The following SMOC2 variants were observed in gnomAD, a reference collection of about 807,000 sequenced individuals.
SMOC2 encodes SPARC related modular calcium binding 2.
In SMOC2, 39 loss-of-function variants were observed where a neutral mutation model predicts 61.4. The ratio of observed to expected loss-of-function variants is 0.64; its 90% CI spans 0.49 to 0.83. The LOEUF (loss-of-function observed/expected upper bound fraction) is 0.83. SMOC2 is among the 40% of genes least tolerant of loss of function. The probability of loss-of-function intolerance (pLI) is 0.00; values close to 1 mark genes in which losing one functional copy is unlikely to be tolerated. For synonymous variants in SMOC2, 247 were observed against 239.9 expected (o/e 1.03, Z -0.27); for missense variants, 556 against 592.9 (o/e 0.94, Z 0.65).
chr6:168,488,602 A>C (rs577569051), intron 1 of SMOC2, among the ~76,000 whole-genome samples: 117 of 152,372 alleles, frequency 7.7e-4, no homozygotes, highest in African/African-American at 2.7e-3. Context: ...CGCAGGAGGC[A>C]GAGATCAGGA....
chr6:168,636,899 TCCTGCCCGCATCCCTCCTCCCTCCTCCCC>T lies in SMOC2; in HGVS notation c.908-13778_908-13750del, dbSNP rs1369694683. ...TCCCGCCTCCCTCCTCCCACCTCCC[TCCTGCCCGCATCCCTCCTCCCTCCTCCCC>T]CCTCCCCACCTCCCTCTTCCCTCCT... On this transcript the variant is annotated intron_variant, in intron 9 of 12. Coordinates refer to ENST00000356284, the MANE Select transcript of SMOC2 (RefSeq NM_001166412.2). Among the ~76,000 whole-genome samples the T allele has an allele frequency of 2.4e-4, 6 of 25,058 alleles. No homozygotes were observed. In the East Asian group the frequency reaches 4.2e-3, roughly 17 times the overall value. The allele number at this position is 25,058 out of a possible 152,430, so 16.4% of individuals were successfully genotyped here.
In SMOC2 at chr6:168,514,820, C is replaced by T. The variant is rs1350295859; in HGVS notation, c.256+4734C>T. ...TTGAAAGGCCGCGAAGAAGCTTCCG[C>T]TTTAGCCGTAGCCTTTGAGGATGAG... On this transcript the variant is annotated intron_variant, in intron 2 of 12. Transcript: ENST00000356284. 2.0e-5 allele frequency among the ~76,000 whole-genome samples: 3 copies of T among 152,164 alleles called. No homozygotes were observed. The East Asian group carries it at 5.8e-4, about 29-fold the overall frequency.
intron 1 of SMOC2, among the ~76,000 whole-genome samples, chr6:168,457,270 T>C (rs1433535566): frequency 1.3e-5 from 2 of 152,248 alleles, no homozygotes; most frequent in East Asian, 3.9e-4. Context: ...CATTCCACTG[T>C]CTACAACGGG....
chr6:168,643,368 G>T (rs1159245908), intron 9 of SMOC2, among the ~76,000 whole-genome samples: 2 of 152,186 alleles, frequency 1.3e-5, no homozygotes, highest in South Asian at 2.1e-4. Context: ...GCCCCTGTCA[G>T]TTCCTCAACT....
chr6:168,645,481 G>T (rs1016813065), intron 9 of SMOC2, among the ~76,000 whole-genome samples: 13 of 152,206 alleles, frequency 8.5e-5, no homozygotes, highest in Admixed American at 6.5e-4. Flanking sequence ...GTTCACCTGA[G>T]TTCCTCTCCT....
At chr6:168,499,072 TC>T (rs1297868459) in intron 1 of SMOC2, among the ~76,000 whole-genome samples, 22 of 127,964 alleles carry the variant, frequency 1.7e-4, no homozygotes, top group Middle Eastern at 4.3e-3. Flanking sequence ...CCATAGCCTG[TC>T]TACTACACAT....
chr6:168,493,469 G>A (rs1187277532), intron 1 of SMOC2, among the ~76,000 whole-genome samples: 1 of 152,152 alleles, frequency 6.6e-6, no homozygotes, highest in Non-Finnish European at 1.5e-5. Flanking sequence ...TGATGATGAA[G>A]GCAAATGTTT....
intron 11 of SMOC2, among the ~76,000 whole-genome samples, chr6:168,658,478 C>T (rs931780795): frequency 2.0e-5 from 3 of 152,078 alleles, no homozygotes; most frequent in Non-Finnish European, 4.4e-5. Context: ...TCCTGTTAGC[C>T]GTTGTCAGGT....
chr6:168,578,184 G>GC (rs1784849668), intron 7 of SMOC2, among the ~76,000 whole-genome samples: 1 of 152,184 alleles, frequency 6.6e-6, no homozygotes, highest in South Asian at 2.1e-4. Context: ...AGGAAGCTTG[G>GC]CCGTGCCCTG....
chr6:168,633,896 G>T (rs1487252061), intron 9 of SMOC2, among the ~76,000 whole-genome samples: 2 of 152,144 alleles, frequency 1.3e-5, no homozygotes, highest in African/African-American at 4.8e-5. Context: ...TTTAATCATG[G>T]GGGTGGTTAC....
At chr6:168,457,623 G>A (rs1781616123) in intron 1 of SMOC2, among the ~76,000 whole-genome samples, 1 of 152,302 alleles carries the variant, frequency 6.6e-6, no homozygotes, top group Non-Finnish European at 1.5e-5. Flanking sequence ...TCACTGCCGG[G>A]GTGGGAGCCT....
At chr6:168,451,863 C>G (rs1455198159) in intron 1 of SMOC2, among the ~76,000 whole-genome samples, 2 of 152,198 alleles carry the variant, frequency 1.3e-5, no homozygotes, top group African/African-American at 4.8e-5. Context: ...GGAGTCATAA[C>G]TTCTTTTTTT....
intron 7 of SMOC2, among the ~76,000 whole-genome samples, chr6:168,589,175 G>A (rs1202006985): frequency 2.0e-5 from 3 of 151,836 alleles, no homozygotes; most frequent in South Asian, 2.1e-4. Flanking sequence ...TCATTATGAT[G>A]TTCATTTCTT....
At chr6:168,659,546 C>T (rs71545166) in intron 11 of SMOC2, among the ~76,000 whole-genome samples, 83 of 84,696 alleles carry the variant, frequency 9.8e-4, no homozygotes, top group African/African-American at 3.2e-3. Flanking sequence ...AGGTTGTTGG[C>T]TGGGTGAGGA....
At chr6:168,483,746 A>G (rs557615922) in intron 1 of SMOC2, among the ~76,000 whole-genome samples, 10 of 152,282 alleles carry the variant, frequency 6.6e-5, no homozygotes, top group African/African-American at 2.2e-4. Context: ...GCATAAAGAC[A>G]GATGTATAGA....
intron 7 of SMOC2, among the ~76,000 whole-genome samples, chr6:168,551,752 C>G (rs1335336883): frequency 2.0e-5 from 3 of 152,196 alleles, no homozygotes; most frequent in Admixed American, 2.0e-4. Flanking sequence ...CCATGCCAGG[C>G]TAAGAAATAT....
intron 1 of SMOC2, among the ~76,000 whole-genome samples, chr6:168,447,474 T>A (rs1781356336): frequency 6.6e-6 from 1 of 152,192 alleles, no homozygotes; most frequent in African/African-American, 2.4e-5. Context: ...CTAGTTTCTG[T>A]TCCTCACACT....
At chr6:168,626,202 G>A (rs1331259540) in intron 9 of SMOC2, among the ~76,000 whole-genome samples, 5 of 152,152 alleles carry the variant, frequency 3.3e-5, no homozygotes, top group Admixed American at 3.3e-4. Context: ...TAGGTTATGC[G>A]AGACAGACCT....
At chr6:168,568,282 A>G (rs1784588676) in intron 7 of SMOC2, among the ~76,000 whole-genome samples, 1 of 152,222 alleles carries the variant, frequency 6.6e-6, no homozygotes, top group African/African-American at 2.4e-5. Flanking sequence ...GGGGTGGAAC[A>G]GTATTTTCTT....
Sources: gnomAD v4.1 joint callset for allele counts (sites outside exome capture counted in the v4.1 genomes callset) on GRCh38, gnomAD v4.1.1 for gene constraint, MANE v1.5 for transcripts, NCBI Gene and HGNC (gene_info 2026-07-23, HGNC 2026-07-21) for gene names.